Variants in NDUFA10 observed in about 807,000 individuals in gnomAD.
NDUFA10 encodes the protein NADH dehydrogenase [ubiquinone] 1 alpha subcomplex subunit 10, mitochondrial.
Under a neutral mutation model 47.8 loss-of-function variants are expected in NDUFA10, and 40 were observed. The ratio of observed to expected loss-of-function variants is 0.84; its 90% CI spans 0.65 to 1.09. The LOEUF (loss-of-function observed/expected upper bound fraction) is 1.09, where lower values mean the gene tolerates loss of function less well. Ranked by LOEUF, NDUFA10 falls within the 50% of genes least tolerant of loss-of-function variation. NDUFA10 has a pLI of 0.00. For synonymous variants in NDUFA10, 183 were observed against 172.2 expected (o/e 1.06, Z -0.49); for missense variants, 413 against 451.1 (o/e 0.92, Z 0.76).
Position 240,018,585 on chromosome 2 carries a change from G to A in NDUFA10, c.515C>T (p.Ala172Val), listed in dbSNP as rs763758387. 3.8e-5 allele frequency: 62 copies of A among 1,613,984 alleles called. No individual in the cohort carries two copies. In the South Asian group the frequency reaches 4.7e-4, roughly 12 times the overall value. The change falls in exon 4 of 10, where the codon GCG becomes GTG. Residue 172 changes from alanine to valine, a missense_variant. Transcript: ENST00000252711. ...TCGGATGAATCCCTGGTTGTACATC[G>A]CCTCCAGGAACACAAAGTCACTGAA... The part of the protein sequence containing the change: ...SIFSDFVFLE[A>V]MYNQGFIRKQ...
rs1319662688 is a variant in NDUFA10, at chr2:239,906,856, G to A, written c.295-11542C>T. ...GCACAAGGTAATTTATAGATTCAATGCCATCCCCACCAAGCTACCAATGAC... is the reference window on the plus strand; with the variant it reads ...GCACAAGGTAATTTATAGATTCAATACCATCCCCACCAAGCTACCAATGAC... On this transcript the variant is annotated intron_variant, in intron 4 of 5. Transcript: ENST00000419408. This position sits in a 1 kb window ranked among gnomAD's most constrained non-coding sequence, Gnocchi z 4.3. 6.6e-6 allele frequency among the ~76,000 whole-genome samples: 1 copy of A among 152,170 alleles called. No homozygotes were observed. Among genetic ancestry groups the A allele is most frequent in the East Asian group, 1.9e-4 (1 of 5,196 alleles).
intron 9 of NDUFA10, among the ~76,000 whole-genome samples, chr2:239,974,229 A>G (rs1695419058): frequency 1.3e-5 from 2 of 152,180 alleles, no homozygotes; most frequent in African/African-American, 4.8e-5. Context: ...GCACCCAATG[A>G]AAACGCTGTT....
intron 5 of NDUFA10, chr2:240,011,912 C>T: frequency 1.7e-6 from 1 of 584,880 alleles, no homozygotes. Context: ...CCAAGTGCTC[C>T]CATAGCGTGA....
At position 239,962,835 on chromosome 2, in the gene NDUFA10, G is replaced by C. The variant is rs3892983; in HGVS notation, c.1000-1649C>G. Among the ~76,000 whole-genome samples, 620 of 152,234 alleles carry C rather than the reference G, an allele frequency of 4.1e-3. 4 individuals are homozygous for C. The highest frequency in any genetic ancestry group is 6.1e-3 in the Non-Finnish European group (415 of 68,016). ...AAGAGCAAGAGCATGAGGCGGGTAG[G>C]GGGTGGGAGCTGCCATATACTTTAA... On this transcript the variant is annotated intron_variant, in intron 9 of 9. Transcript: ENST00000252711.
exon 5 of NDUFA10, chr2:239,895,307 G>T (rs756919150): frequency 2.1e-6 from 1 of 467,056 alleles, no homozygotes. Flanking sequence ...CTCCTGGTCT[G>T]CTGGGACCTA....
intron 4 of NDUFA10, among the ~76,000 whole-genome samples, chr2:239,913,143 C>T (rs919485386): frequency 6.6e-6 from 1 of 152,250 alleles, no homozygotes; most frequent in Non-Finnish European, 1.5e-5. Context: ...TGACCAATCC[C>T]TGAACCATGC....
At chr2:239,999,868 G>A (rs529405620) in intron 8 of NDUFA10, among the ~76,000 whole-genome samples, 8 of 152,298 alleles carry the variant, frequency 5.3e-5, no homozygotes, top group Middle Eastern at 3.4e-3. Context: ...GGTTCCTGCC[G>A]GTTTCCAGTT....
At chr2:239,988,897 GAC>G (rs1284213828) in intron 9 of NDUFA10, among the ~76,000 whole-genome samples, 13 of 149,734 alleles carry the variant, frequency 8.7e-5, no homozygotes, top group Non-Finnish European at 1.2e-4. Context: ...CAGAAAGGGA[GAC>G]ACAGCACACA....
intron 9 of NDUFA10, among the ~76,000 whole-genome samples, chr2:239,978,277 T>C (rs1251295808): frequency 6.6e-6 from 1 of 152,090 alleles, no homozygotes; most frequent in Non-Finnish European, 1.5e-5. Flanking sequence ...GAAGATGGAA[T>C]CTCTAATTCC....
chr2:239,902,325 C>T (rs917794177), intron 4 of NDUFA10, among the ~76,000 whole-genome samples: 8 of 108,602 alleles, frequency 7.4e-5, no homozygotes, highest in African/African-American at 2.9e-4. Context: ...CAGCAGCCAC[C>T]AACTCCAGAC....
chr2:239,935,877 T>C (rs913539863), intron 4 of NDUFA10, among the ~76,000 whole-genome samples: 2 of 152,216 alleles, frequency 1.3e-5, no homozygotes, highest in Non-Finnish European at 2.9e-5. Context: ...AAACCTCTTT[T>C]TCTTTATAAA....
chr2:240,007,507 A>G, intron 6 of NDUFA10, 137 bp from the exon 7 acceptor site: 1 of 697,624 alleles, frequency 1.4e-6, no homozygotes, highest in Non-Finnish European at 2.6e-6. Context: ...TGTGCTGGGC[A>G]TGTGAGGGTG....
In NDUFA10 at chr2:239,960,789, A is replaced by T. The variant is rs1694823304; in HGVS notation, c.*329T>A. On this transcript the variant is annotated 3_prime_UTR_variant, in exon 10 of 10. Transcript: ENST00000252711. ...GGAAGTCAGAAGAAAAACAATGTGC[A>T]CAACCTGAATGACACAGAGCGGCAG... The T allele has an allele frequency of 8.0e-7, 1 of 1,252,636 alleles. No homozygotes were observed. Among genetic ancestry groups the T allele is most frequent in the Non-Finnish European group, 1.0e-6 (1 of 983,718 alleles). 77.6% of individuals were successfully genotyped at this position (1,252,636 alleles called of 1,614,324 possible).
At chr2:239,921,649 C>A (rs1693985244) in intron 4 of NDUFA10, among the ~76,000 whole-genome samples, 1 of 134,292 alleles carries the variant, frequency 7.4e-6, no homozygotes, top group African/African-American at 2.5e-5. Context: ...ATTTTACAAA[C>A]CTCTTGCTAC....
At chr2:239,915,568 A>ACC (rs1693850863) in intron 4 of NDUFA10, among the ~76,000 whole-genome samples, 1 of 150,722 alleles carries the variant, frequency 6.6e-6, no homozygotes. Flanking sequence ...ACACAGACAC[A>ACC]AATATACAGA....
At chr2:239,998,742 C>T (rs1217456168) in intron 8 of NDUFA10, among the ~76,000 whole-genome samples, 1 of 152,168 alleles carries the variant, frequency 6.6e-6, no homozygotes, top group African/African-American at 2.4e-5. Flanking sequence ...GCTTTCCAGG[C>T]AGAAATACTG....
At chr2:239,900,664 G>A (rs1370672922) in intron 4 of NDUFA10, among the ~76,000 whole-genome samples, 1 of 152,158 alleles carries the variant, frequency 6.6e-6, no homozygotes. Context: ...ATGGGTGGGT[G>A]TAGAACCTTG....
rs6736791 is a variant in NDUFA10, at chr2:239,958,985, T to C, written c.*2133A>G. On this transcript the variant is annotated 3_prime_UTR_variant, in exon 10 of 10. Transcript: ENST00000252711. ...AGAGCTTTCGTGAGACGAACGCATG[T>C]ACTGCTCTGAAATAAGGAAATCGGG... The C allele has an allele frequency of 2.2e-3, 2,204 of 985,470 alleles. 29 individuals are homozygous for C. In the African/African-American group the frequency reaches 0.036, roughly 16 times the overall value. The allele number at this position is 985,470 out of a possible 1,614,324, so 61.0% of individuals were successfully genotyped here.
At chr2:239,915,494 GACAC>G (rs1232281295) in intron 4 of NDUFA10, among the ~76,000 whole-genome samples, 35 of 127,882 alleles carry the variant, frequency 2.7e-4, no homozygotes, top group African/African-American at 9.5e-4. Context: ...CACACACACA[GACAC>G]ACACAAATAT....
Sources: allele counts gnomAD v4.1 joint callset (sites outside exome capture counted in the v4.1 genomes callset), GRCh38; gene constraint gnomAD v4.1.1; non-coding constraint Gnocchi (gnomAD v3.1); transcripts MANE v1.5; gene names NCBI Gene and HGNC (gene_info 2026-07-23, HGNC 2026-07-21).